Variants in PUS7 observed in about 807,000 individuals in gnomAD.
PUS7 encodes the protein pseudouridine synthase 7, also known as pseudouridylate synthase 7 homolog.
Under a neutral mutation model 79.8 loss-of-function variants are expected in PUS7, and 48 were observed. The observed-to-expected ratio is 0.60, with a 90% confidence interval of 0.48 to 0.76. The LOEUF is 0.76. PUS7 is among the 30% of genes least tolerant of loss of function. PUS7 has a pLI of 0.00. For synonymous variants in PUS7, 286 were observed against 272.2 expected, an observed-to-expected ratio of 1.05 and a Z score of -0.50; for missense variants, 729 against 797.6, an observed-to-expected ratio of 0.91 and a Z score of 1.04.
intron 5 of PUS7, among the ~76,000 whole-genome samples, chr7:105,499,793 A>G (rs1825177005): frequency 6.6e-6 from 1 of 152,166 alleles, no homozygotes; most frequent in East Asian, 1.9e-4. Context: ...AGGATCTGGT[A>G]GTAATACAGC....
intron 1 of PUS7, among the ~76,000 whole-genome samples, chr7:105,519,539 C>T (rs775148504): frequency 2.1e-4 from 32 of 152,206 alleles, no homozygotes; most frequent in Admixed American, 3.3e-4. Flanking sequence ...TGTCACCAGG[C>T]CCGGCAGACA....
intron 12 of PUS7, among the ~76,000 whole-genome samples, chr7:105,467,727 C>T (rs1823715174): frequency 6.6e-6 from 1 of 151,918 alleles, no homozygotes; most frequent in South Asian, 2.1e-4. Flanking sequence ...AAGGGAGGCC[C>T]AGAGAGAGGT....
At chr7:105,515,030 G>A (rs1461058250) in intron 1 of PUS7, among the ~76,000 whole-genome samples, 3 of 152,114 alleles carry the variant, frequency 2.0e-5, no homozygotes, top group Admixed American at 1.3e-4. Context: ...TCCTGACCTC[G>A]TGATCTGCCC....
chr7:105,473,291 CTA>C (rs1407303145), intron 9 of PUS7, among the ~76,000 whole-genome samples: 2 of 152,082 alleles, frequency 1.3e-5, no homozygotes, highest in African/African-American at 4.8e-5. Flanking sequence ...CCTCTGTTGT[CTA>C]GGCTGGAATG....
chr7:105,513,431 T>C (rs879398369), intron 1 of PUS7, among the ~76,000 whole-genome samples: 1 of 152,234 alleles, frequency 6.6e-6, no homozygotes, highest in Non-Finnish European at 1.5e-5. Context: ...TGACTTAACC[T>C]CTCGAATCTG....
chr7:105,459,052 C>T, intron 15 of PUS7, 116 bp downstream of exon 15: 1 of 541,994 alleles, frequency 1.8e-6, no homozygotes, highest in South Asian at 3.6e-5. Context: ...TAAAACACAA[C>T]AATGAAATCA....
At chr7:105,479,494 C>T (rs1046821020) in intron 9 of PUS7, among the ~76,000 whole-genome samples, 1 of 152,138 alleles carries the variant, frequency 6.6e-6, no homozygotes, top group Non-Finnish European at 1.5e-5. Context: ...TTGTAACTAC[C>T]ACAATTCTAA....
chr7:105,473,415 ATTTTTTTTTTTT>A (rs922271999), intron 9 of PUS7, among the ~76,000 whole-genome samples: 37 of 123,606 alleles, frequency 3.0e-4, no homozygotes, highest in South Asian at 1.8e-3. Flanking sequence ...TGCCTGCCTA[ATTTTTTTTTTTT>A]TTTTTTTTTG....
chr7:105,489,424 A>G lies in PUS7; in HGVS notation c.920+2116T>C, dbSNP rs1445509786. Among the ~76,000 whole-genome samples the G allele has an allele frequency of 3.3e-5, 5 of 152,048 alleles. No homozygotes were observed. The East Asian group carries it at 9.7e-4, about 29-fold the overall frequency. On this transcript the variant is annotated intron_variant, in intron 7 of 15. Coordinates refer to ENST00000469408, the MANE Select transcript of PUS7 (RefSeq NM_019042.5). ...CCATTACCCACAAAGGTTATTTCAA[A>G]TCTCCACTCTCTTTCAAGCTCCCTT...
chr7:105,468,292 C>T (rs140886307), intron 12 of PUS7, 45 bp downstream of exon 12: 17,554 of 1,592,032 alleles, frequency 0.011, 224 homozygotes, highest in South Asian at 0.047. Flanking sequence ...TGGCAACTAA[C>T]TGAACCCTAG....
intron 9 of PUS7, among the ~76,000 whole-genome samples, chr7:105,475,397 G>T (rs147861958): frequency 6.6e-6 from 1 of 151,874 alleles, no homozygotes; most frequent in Admixed American, 6.6e-5. Flanking sequence ...GTGTTAGCCA[G>T]GATGGTCTCG....
chr7:105,509,148 C>A (rs1450339289), intron 1 of PUS7, among the ~76,000 whole-genome samples: 4 of 122,008 alleles, frequency 3.3e-5, no homozygotes, highest in African/African-American at 1.3e-4. Context: ...CGAGCCACTG[C>A]ACTCCAGCCT....
chr7:105,496,866 T>C, intron 5 of PUS7: 3 of 857,458 alleles, frequency 3.5e-6, no homozygotes, highest in Non-Finnish European at 4.4e-6. Flanking sequence ...CAGCTCACTA[T>C]CAGTTAAGCA....
chr7:105,461,695 AG>A (rs1209668484), intron 14 of PUS7, among the ~76,000 whole-genome samples: 1 of 152,102 alleles, frequency 6.6e-6, no homozygotes, highest in Non-Finnish European at 1.5e-5. Context: ...AACCCTTGTC[AG>A]GCATTTCATC....
rs565151934 is a variant in PUS7 at position 105,457,175 on chromosome 7, A to G, written c.*615T>C. ...ATAAAAAAATAAAATGGGCCTATCA[A>G]TGCAACGTTCCTGCAAGGCATTGAT... On this transcript the variant is annotated 3_prime_UTR_variant, in exon 16 of 16. Transcript: ENST00000469408. The G allele has an allele frequency of 6.6e-6, 1 of 152,310 alleles. No individual in the cohort carries two copies. Among genetic ancestry groups the G allele is most frequent in the Admixed American group, 6.5e-5 (1 of 15,304 alleles). The allele number at this position is 152,310 out of a possible 1,614,324, so 9.4% of individuals were successfully genotyped here.
intron 1 of PUS7, among the ~76,000 whole-genome samples, chr7:105,521,810 C>T (rs1213488176): frequency 6.7e-6 from 1 of 150,160 alleles, no homozygotes; most frequent in Non-Finnish European, 1.5e-5. Context: ...CAGAGCGGAG[C>T]GGGGAGCGGG....
chr7:105,458,253 T>C (rs1823268019), intron 15 of PUS7, among the ~76,000 whole-genome samples: 1 of 152,122 alleles, frequency 6.6e-6, no homozygotes, highest in Non-Finnish European at 1.5e-5. Flanking sequence ...AGAATGCCAA[T>C]TTAATTAATT....
Position 105,459,191 on chromosome 7 carries a change from T to G in PUS7, c.1826A>C (p.Lys609Thr). The G allele has an allele frequency of 6.2e-7, 1 of 1,610,300 alleles. No homozygotes were observed. The highest frequency in any genetic ancestry group is 8.5e-7 in the Non-Finnish European group (1 of 1,177,722). The change falls in exon 15 of 16, where the codon AAG (lysine) becomes ACG (threonine). Residue 609 changes from lysine to threonine, a missense_variant. Physicochemically the swap from Lys to Thr is moderately conservative, Grantham distance 78. Transcript: ENST00000469408. ...ACCAGAAGCAAAAACTGGTGGTGTCTTCCCTTCTAGGTTGTCCACATCTGT... is the reference window on the plus strand; with the variant it reads ...ACCAGAAGCAAAAACTGGTGGTGTCGTCCCTTCTAGGTTGTCCACATCTGT... ...FNTDVDNLEG[K>T]TPPVFASEGK...
chr7:105,508,417 T>G lies in PUS7; in HGVS notation c.96A>C (p.Lys32Asn). Reference sequence around the variant, plus strand: ...TTAGACTGCATTCCGACAGCTTCTGTTTTTTTGTCTCTTCAACTGGGACTC... The same window carrying G: ...TTAGACTGCATTCCGACAGCTTCTGGTTTTTTGTCTCTTCAACTGGGACTC... ...DSGVPVEETK[K>N]QKLSECSLTK... Residue 32 changes from lysine (K) to asparagine (N), a missense_variant, in exon 2 of 16, where the codon AAA (lysine) becomes AAC (asparagine). Physicochemically the swap from Lys to Asn is moderately conservative, Grantham distance 94. Transcript: ENST00000469408. The G allele has an allele frequency of 6.2e-7, 1 of 1,614,094 alleles. No homozygotes were observed. Among genetic ancestry groups the G allele is most frequent in the Non-Finnish European group, 8.5e-7 (1 of 1,180,030 alleles).
Sources: gnomAD v4.1 joint callset for allele counts (sites outside exome capture counted in the v4.1 genomes callset) on GRCh38, gnomAD v4.1.1 for gene constraint, MANE v1.5 for transcripts, NCBI Gene and HGNC (gene_info 2026-07-23, HGNC 2026-07-21) for gene names.